Variants in NRG1 observed in about 807,000 individuals in gnomAD.
NRG1 encodes the protein neuregulin 1.
In NRG1, 18 loss-of-function variants were observed where a neutral mutation model predicts 63.8. The observed-to-expected ratio is 0.28, with a 90% confidence interval of 0.19 to 0.42. NRG1 has a LOEUF of 0.42. Among genes scored for constraint, NRG1 ranks in the 10% least tolerant of loss-of-function variants. NRG1 has a pLI of 1.00. For synonymous variants in NRG1, 302 were observed against 301.3 expected (o/e 1.00, Z -0.02); for missense variants, 762 against 814.7 (o/e 0.94, Z 0.79).
At chr8:32,709,808 C>G (rs574513711) in intron 5 of NRG1, among the ~76,000 whole-genome samples, 3 of 152,180 alleles carry the variant, frequency 2.0e-5, no homozygotes, top group African/African-American at 7.2e-5. Flanking sequence ...GAAGATAAGG[C>G]TTGGCATAGT....
chr8:32,094,349 G>A (rs1006090178), intron 1 of NRG1, among the ~76,000 whole-genome samples: 1 of 152,128 alleles, frequency 6.6e-6, no homozygotes, highest in Non-Finnish European at 1.5e-5. Flanking sequence ...GCAAAGGAGG[G>A]GCAGCCCCAT....
chr8:31,778,376 T>TAC (rs1324281533), intron 1 of NRG1, among the ~76,000 whole-genome samples: 10 of 152,284 alleles, frequency 6.6e-5, no homozygotes, highest in African/African-American at 2.4e-4. Flanking sequence ...TCCTTATATA[T>TAC]ACCAGGCATG....
At chr8:31,809,475 T>A (rs951178147) in intron 1 of NRG1, among the ~76,000 whole-genome samples, 2 of 150,384 alleles carry the variant, frequency 1.3e-5, no homozygotes. Flanking sequence ...TGTCTTAACT[T>A]TTTTATGCTC....
intron 1 of NRG1, among the ~76,000 whole-genome samples, chr8:32,359,471 A>G (rs1806933757): frequency 6.6e-6 from 1 of 152,200 alleles, no homozygotes. Context: ...TTGAGTTCCA[A>G]AGATTTACCA....
At position 32,596,041 on chromosome 8, in the gene NRG1, C is replaced by T. The variant is rs754887598; in HGVS notation, c.278+36C>T. ...TGCATAAAATAGTAGAGACTGCCCC[C>T]AGCAATAAGATAACATATAAATGTT... On this transcript the variant is annotated intron_variant, in intron 2 of 11. Transcript: ENST00000356819. The T allele has an allele frequency of 5.3e-6, 8 of 1,505,206 alleles. No homozygotes were observed. The Admixed American group carries it at 5.7e-5, about 11-fold the overall frequency. The allele number at this position is 1,505,206 out of a possible 1,614,324, so 93.2% of individuals were successfully genotyped here.
chr8:32,234,089 A>T (rs1847286307), intron 1 of NRG1, among the ~76,000 whole-genome samples: 1 of 152,218 alleles, frequency 6.6e-6, no homozygotes, highest in Admixed American at 6.5e-5. Context: ...TGCAAATGAA[A>T]TTCATAAACA....
intron 4 of NRG1, among the ~76,000 whole-genome samples, chr8:32,615,335 A>T (rs1367106980): frequency 1.3e-5 from 2 of 152,150 alleles, no homozygotes; most frequent in Non-Finnish European, 2.9e-5. Context: ...AAGACCCAAG[A>T]TTGGAAATTC....
At chr8:32,042,582 T>C (rs2130696811) in intron 1 of NRG1, among the ~76,000 whole-genome samples, 1 of 152,300 alleles carries the variant, frequency 6.6e-6, no homozygotes, top group Non-Finnish European at 1.5e-5. Context: ...AACACTGAGA[T>C]GACAGATCTT....
At chr8:31,921,266 G>T (rs1833889998) in intron 1 of NRG1, among the ~76,000 whole-genome samples, 2 of 152,056 alleles carry the variant, frequency 1.3e-5, no homozygotes, top group Admixed American at 1.3e-4. Flanking sequence ...AATCAAATTT[G>T]TCTAGCTTAT....
chr8:31,831,540 T>C (rs1283108324), intron 1 of NRG1, among the ~76,000 whole-genome samples: 5 of 152,186 alleles, frequency 3.3e-5, no homozygotes, highest in Non-Finnish European at 7.3e-5. Context: ...TTCTGAGAAG[T>C]AATTTATATA....
At chr8:32,523,290 T>C (rs1455171391) in intron 1 of NRG1, among the ~76,000 whole-genome samples, 1 of 152,170 alleles carries the variant, frequency 6.6e-6, no homozygotes, top group Non-Finnish European at 1.5e-5. Flanking sequence ...GAAGCAGATA[T>C]GAGAATCTGC....
chr8:31,902,083 A>G (rs928186135), intron 1 of NRG1, among the ~76,000 whole-genome samples: 1 of 152,174 alleles, frequency 6.6e-6, no homozygotes, highest in African/African-American at 2.4e-5. Context: ...AAAAATTTAA[A>G]AAAAAAGTGG....
At chr8:32,725,052 T>G (rs1821723746) in intron 5 of NRG1, among the ~76,000 whole-genome samples, 1 of 152,214 alleles carries the variant, frequency 6.6e-6, no homozygotes, top group Non-Finnish European at 1.5e-5. Context: ...TCTCATAAAA[T>G]CAGAGTCTAA....
chr8:31,738,557 T>C (rs189545533), intron 1 of NRG1, among the ~76,000 whole-genome samples: 193 of 152,276 alleles, frequency 1.3e-3, no homozygotes, highest in African/African-American at 4.4e-3. Context: ...TTTCCAGGTC[T>C]TTCAGTGAAA....
At chr8:31,778,690 C>T (rs975760597) in intron 1 of NRG1, among the ~76,000 whole-genome samples, 1 of 152,176 alleles carries the variant, frequency 6.6e-6, no homozygotes, top group Non-Finnish European at 1.5e-5. Context: ...TATTTAAGGG[C>T]TTTGCACACA....
At chr8:32,025,970 A>C (rs996695427) in intron 1 of NRG1, among the ~76,000 whole-genome samples, 1 of 150,246 alleles carries the variant, frequency 6.7e-6, no homozygotes, top group Admixed American at 6.7e-5. Flanking sequence ...AAAAGTGAAG[A>C]TATTGCCACA....
chr8:32,683,141 A>C, intron 5 of NRG1, among the ~76,000 whole-genome samples: 1 of 152,226 alleles, frequency 6.6e-6, no homozygotes, highest in Admixed American at 6.5e-5. Flanking sequence ...ATTGTTGTTA[A>C]GTGCAGACAA....
chr8:32,759,566 C>A, intron 10 of NRG1, 130 bp downstream of exon 10: 1 of 1,156,740 alleles, frequency 8.6e-7, no homozygotes. Context: ...TTTTGAAAAT[C>A]AACTGGCTTT....
chr8:32,228,674 A>G (rs1168865471), intron 1 of NRG1, among the ~76,000 whole-genome samples: 1 of 152,256 alleles, frequency 6.6e-6, no homozygotes, highest in Non-Finnish European at 1.5e-5. Context: ...CTGTATAGAA[A>G]GCAAGAGTAT....
Sources: allele counts gnomAD v4.1 joint callset (sites outside exome capture counted in the v4.1 genomes callset), GRCh38; gene constraint gnomAD v4.1.1; transcripts MANE v1.5; gene names NCBI Gene and HGNC (gene_info 2026-07-23, HGNC 2026-07-21).